URB2: variants seen among roughly 807,000 people sequenced by gnomAD.
URB2 encodes the protein unhealthy ribosome biogenesis protein 2 homolog.
In URB2, 86 loss-of-function variants were observed where a neutral mutation model predicts 120.9. The observed-to-expected ratio is 0.71, with a 90% CI of 0.60 to 0.85. The LOEUF is 0.85. Among genes scored for constraint, URB2 ranks in the 40% least tolerant of loss-of-function variants. The pLI is 0.00. For synonymous variants in URB2, 755 were observed against 758.4 expected, an observed-to-expected ratio of 1.00 and a Z score of 0.07; for missense variants, 1,765 against 1,836.5, an observed-to-expected ratio of 0.96 and a Z score of 0.71.
At chr1:229,658,984 C>A in intron 9 of URB2, 116 bp from the exon 10 acceptor site, 1 of 963,578 alleles carries the variant, frequency 1.0e-6, no homozygotes, top group Non-Finnish European at 1.5e-6. Flanking sequence ...ATTTTTTTCT[C>A]AATTTGGAGG....
chr1:229,652,118 G>A (rs951330569), intron 8 of URB2, among the ~76,000 whole-genome samples: 1 of 151,860 alleles, frequency 6.6e-6, no homozygotes. Flanking sequence ...GGAGGCGGAG[G>A]TTGCAATGAG....
chr1:229,636,017 G>C lies in URB2; in HGVS notation c.1404G>C (p.Arg468=), dbSNP rs80089474. 1.5e-4 allele frequency: 246 copies of C among 1,613,866 alleles called. No homozygotes were observed. The African/African-American group carries it at 2.9e-3, about 19-fold the overall frequency. The change falls in exon 4 of 10, where the codon CGG becomes CGC. Residue 468 remains arginine (R), a synonymous_variant. Coordinates refer to ENST00000258243, the MANE Select transcript of URB2 (RefSeq NM_014777.4). The part of the protein sequence containing the change: ...QTYAKLRQVP[R]LFEEVLGVIC... ...ATGCCAAACTCCGACAAGTGCCACG[G>C]TTGTTTGAAGAGGTTTTGGGGGTGA...
chr1:229,643,781 T>G, intron 5 of URB2, 88 bp downstream of exon 5: 1 of 1,512,752 alleles, frequency 6.6e-7, no homozygotes, highest in Non-Finnish European at 8.9e-7. Flanking sequence ...GTGTCACCCT[T>G]AAAACTAAAC....
In URB2 at chr1:229,636,089, G is replaced by A. The variant is rs747478195; in HGVS notation, c.1476G>A (p.Ser492=). 3.2e-5 allele frequency: 51 copies of A among 1,614,086 alleles called. No individual in the cohort carries two copies. The highest frequency in any genetic ancestry group is 4.0e-5 in the African/African-American group (3 of 74,942). Residue 492 remains serine, a synonymous_variant, in exon 4 of 10, where the codon TCG becomes TCA. Coordinates refer to ENST00000258243, the MANE Select transcript of URB2 (RefSeq NM_014777.4). Reference sequence around the variant, plus strand: ...CACTGAGGCAGCCTGTGCTGGCCTCGGGCCCCTCCACGGTACTCTCTGCAT... The same window carrying A: ...CACTGAGGCAGCCTGTGCTGGCCTCAGGCCCCTCCACGGTACTCTCTGCAT... ...AEALRQPVLA[S]GPSTVLSACL...
chr1:229,634,838 A>AT (rs113038970), intron 3 of URB2, 79 bp from the exon 4 acceptor site: 14,704 of 1,034,536 alleles, frequency 0.014, 44 homozygotes, highest in African/African-American at 0.053. Context: ...GAGTTTGTTG[A>AT]TTTTTTTTTT....
At chr1:229,628,748 A>G (rs950796958) in intron 2 of URB2, among the ~76,000 whole-genome samples, 1 of 152,230 alleles carries the variant, frequency 6.6e-6, no homozygotes, top group Admixed American at 6.5e-5. Flanking sequence ...CAGGCTTTTT[A>G]GGCTAAAAAT....
rs760894683 is a variant in URB2, at chr1:229,653,936, GTT to G, written c.4238-290_4238-289del. 6.0e-3 allele frequency among the ~76,000 whole-genome samples: 364 copies of G among 60,550 alleles called. 1 individual carries two copies. Among genetic ancestry groups the G allele is most frequent in the African/African-American group, 0.023 (336 of 14,898 alleles). 39.7% of individuals were successfully genotyped at this position (60,550 alleles called of 152,430 possible). On this transcript the variant is annotated intron_variant, in intron 8 of 9. Transcript: ENST00000258243. ...CTTTATTATAGAACTCCATCTTGGTGTTTTTTTTTTTTTTTTTTTTTTTTAAG... is the reference window on the plus strand; with the variant it reads ...CTTTATTATAGAACTCCATCTTGGTGTTTTTTTTTTTTTTTTTTTTTTAAG...
Position 229,636,589 on chromosome 1 carries a change from T to C in URB2, c.1976T>C (p.Ile659Thr), listed in dbSNP as rs752347993. The C allele has an allele frequency of 3.7e-6, 6 of 1,614,064 alleles. No individual in the cohort carries two copies. Among genetic ancestry groups the C allele is most frequent in the African/African-American group, 2.7e-5 (2 of 74,930 alleles). ...GTAAAAACACAGCATTGGAAGAAGATAGAGAAGTTTACAGCTCAGTTCAGC... is the reference window on the plus strand; with the variant it reads ...GTAAAAACACAGCATTGGAAGAAGACAGAGAAGTTTACAGCTCAGTTCAGC... ...PGVKTQHWKKIEKFTAQFSSL... is the reference protein window; with the variant it reads ...PGVKTQHWKKTEKFTAQFSSL... Residue 659 changes from isoleucine (I) to threonine (T), a missense_variant, in exon 4 of 10, where the codon ATA (isoleucine) becomes ACA (threonine). Ile to Thr is a moderately conservative substitution (Grantham distance 89). Transcript: ENST00000258243.
At chr1:229,653,943 T>G (rs1183315489) in intron 8 of URB2, among the ~76,000 whole-genome samples, 19 of 149,982 alleles carry the variant, frequency 1.3e-4, no homozygotes, top group Admixed American at 5.3e-4. Flanking sequence ...GGTGTTTTTT[T>G]TTTTTTTTTT....
rs1247118198 is a variant in URB2 at position 229,635,281 on chromosome 1, G to A, written c.668G>A (p.Gly223Asp). The change falls in exon 4 of 10, where the codon GGC becomes GAC. Residue 223 changes from glycine (G) to aspartate (D), a missense_variant. Physicochemically the swap from Gly to Asp is moderately conservative, Grantham distance 94 (BLOSUM62 -1). Transcript: ENST00000258243. ...SGGTWTQAGQ[G>D]QLRQVLSRDI... The stretch of plus-strand genomic sequence containing the variant: ...GGCACATGGACGCAGGCTGGCCAGG[G>A]CCAGCTGAGGCAGGTGCTGAGCCGG... 3 of 1,614,116 alleles carry A rather than the reference G, an allele frequency of 1.9e-6. No individual in the cohort carries two copies. The Admixed American group carries it at 5.0e-5, about 27-fold the overall frequency.
chr1:229,640,606 G>A (rs1362820841), intron 4 of URB2, among the ~76,000 whole-genome samples: 2 of 152,142 alleles, frequency 1.3e-5, no homozygotes, highest in Non-Finnish European at 2.9e-5. Flanking sequence ...GACGGGTGGG[G>A]CCACGGGCGT....
chr1:229,638,489 A>G (rs967035431), intron 4 of URB2, among the ~76,000 whole-genome samples: 5 of 152,080 alleles, frequency 3.3e-5, no homozygotes, highest in Non-Finnish European at 7.4e-5. Context: ...AGTAAAAAAT[A>G]CAAATAATTA....
Position 229,634,074 on chromosome 1 carries a change from C to T in URB2, c.304-843C>T, listed in dbSNP as rs935974806. Among the ~76,000 whole-genome samples the T allele has an allele frequency of 2.4e-4, 37 of 152,232 alleles. 1 individual carries two copies. Among genetic ancestry groups the T allele is most frequent in the Middle Eastern group, 3.4e-3 (1 of 294 alleles). On this transcript the variant is annotated intron_variant, in intron 3 of 9. Transcript: ENST00000258243. ...CTCGAACGCCTGGCCTCAAGTGATC[C>T]GCCCCGACTCAGCCTCCCAAGGTGT...
At chr1:229,643,224 A>G (rs1666055451) in intron 4 of URB2, among the ~76,000 whole-genome samples, 1 of 152,206 alleles carries the variant, frequency 6.6e-6, no homozygotes, top group Non-Finnish European at 1.5e-5. Flanking sequence ...CAGTTCAAAC[A>G]TTGTTCAAGG....
chr1:229,653,938 T>TG (rs1166245085), intron 8 of URB2, among the ~76,000 whole-genome samples: 1 of 140,768 alleles, frequency 7.1e-6, no homozygotes, highest in Admixed American at 7.0e-5. Flanking sequence ...ATCTTGGTGT[T>TG]TTTTTTTTTT....
intron 4 of URB2, among the ~76,000 whole-genome samples, chr1:229,641,268 C>T (rs980407617): frequency 1.3e-5 from 2 of 152,130 alleles, no homozygotes; most frequent in Non-Finnish European, 2.9e-5. Flanking sequence ...CTGCCTCAGC[C>T]TCCGAAAGTG....
rs749475269 is a variant in URB2, at chr1:229,635,966, G to C, written c.1353G>C (p.Ala451=). The C allele has an allele frequency of 6.2e-7, 1 of 1,614,018 alleles. No individual in the cohort carries two copies. The highest frequency in any genetic ancestry group is 1.3e-5 in the African/African-American group (1 of 74,936). Residue 451 remains alanine (A), a synonymous_variant, in exon 4 of 10, where the codon GCG becomes GCC. Coordinates refer to ENST00000258243, the MANE Select transcript of URB2 (RefSeq NM_014777.4). ...TTCGAACCAAAAAAGCCCAGGAGGC[G>C]CTTATTCGTACTGTCTTCCAGACTT... ...TEFRTKKAQE[A]LIRTVFQTYA... is the part of the protein sequence containing the mutation.
At position 229,635,967 on chromosome 1, in the gene URB2, C is replaced by T. The variant is rs751447190; in HGVS notation, c.1354C>T (p.Leu452Phe). The T allele has an allele frequency of 1.2e-6, 2 of 1,614,218 alleles. No homozygotes were observed. Among genetic ancestry groups the T allele is most frequent in the South Asian group, 2.2e-5 (2 of 91,086 alleles). Residue 452 changes from leucine (L) to phenylalanine (F), a missense_variant, in exon 4 of 10, where the codon CTT becomes TTT. Leu to Phe is a conservative substitution (Grantham distance 22, BLOSUM62 0). Coordinates refer to ENST00000258243, the MANE Select transcript of URB2 (RefSeq NM_014777.4). Reference sequence around the variant, plus strand: ...TCGAACCAAAAAAGCCCAGGAGGCGCTTATTCGTACTGTCTTCCAGACTTA... The same window carrying T: ...TCGAACCAAAAAAGCCCAGGAGGCGTTTATTCGTACTGTCTTCCAGACTTA... ...EFRTKKAQEA[L>F]IRTVFQTYAK...
At chr1:229,630,339 TAGC>T (rs1665627425) in intron 2 of URB2, among the ~76,000 whole-genome samples, 1 of 152,206 alleles carries the variant, frequency 6.6e-6, no homozygotes, top group Non-Finnish European at 1.5e-5. Context: ...GATGTTGTGT[TAGC>T]AGTCATGAAA....
Sources: allele counts gnomAD v4.1 joint callset (sites outside exome capture counted in the v4.1 genomes callset), GRCh38; gene constraint gnomAD v4.1.1; transcripts MANE v1.5; gene names NCBI Gene and HGNC (gene_info 2026-07-23, HGNC 2026-07-21).